Variants in DIAPH2 observed in about 807,000 individuals in gnomAD.
DIAPH2 encodes protein diaphanous homolog 2.
A neutral mutation model predicts 92.7 loss-of-function variants in DIAPH2; 35 were observed. The observed-to-expected ratio is 0.38, with a 90% CI of 0.29 to 0.50. DIAPH2 has a LOEUF of 0.50. Ranked by LOEUF, DIAPH2 falls within the 20% of genes least tolerant of loss-of-function variation. The pLI is 0.94. For synonymous variants in DIAPH2, 301 were observed against 280.4 expected (o/e 1.07, Z -0.73); for missense variants, 701 against 819.5 (o/e 0.86, Z 1.77).
chrX:97,300,713 A>C, intron 23 of DIAPH2, among the ~76,000 whole-genome samples: 1 of 94,865 alleles, frequency 1.1e-5, no homozygotes, highest in African/African-American at 3.7e-5. Context: ...CGGGCGGATC[A>C]CAAGGTCAGG....
intron 21 of DIAPH2, among the ~76,000 whole-genome samples, chrX:97,137,037 A>G: frequency 9.2e-6 from 1 of 108,304 alleles, no homozygotes; most frequent in South Asian, 4.2e-4. Context: ...GGTGTTCAGC[A>G]TAGTCCTCAA....
intron 23 of DIAPH2, among the ~76,000 whole-genome samples, chrX:97,334,998 CAAAAA>C (rs746536131): frequency 1.3e-3 from 40 of 31,453 alleles, no homozygotes; most frequent in South Asian, 5.5e-3. Context: ...AAAAACAAAA[CAAAAA>C]AAAAAAAAAA....
intron 23 of DIAPH2, among the ~76,000 whole-genome samples, chrX:97,257,025 G>A (rs1049814181): frequency 1.8e-5 from 2 of 109,738 alleles, no homozygotes; most frequent in Non-Finnish European, 3.8e-5. Context: ...ATACAAGAAA[G>A]TATAGGAAAT....
At chrX:96,945,144 A>G (rs1247258472) in intron 13 of DIAPH2, among the ~76,000 whole-genome samples, 6 of 110,915 alleles carry the variant, frequency 5.4e-5, no homozygotes, top group African/African-American at 2.0e-4. Context: ...GACAATTTTG[A>G]ATCTTGCTAA....
intron 17 of DIAPH2, among the ~76,000 whole-genome samples, chrX:96,970,742 C>T (rs1029913831): frequency 4.3e-4 from 47 of 110,000 alleles, no homozygotes; most frequent in African/African-American, 1.3e-3. Context: ...AATGTCATTC[C>T]GTTCTTCTCT....
chrX:97,154,276 A>G (rs747226048), intron 22 of DIAPH2, among the ~76,000 whole-genome samples: 37 of 111,689 alleles, frequency 3.3e-4, no homozygotes, highest in Admixed American at 1.0e-3. Context: ...AGATCACACA[A>G]TGAATAAGAG....
chrX:96,787,849 C>A (rs1039524207), intron 4 of DIAPH2, among the ~76,000 whole-genome samples: 2 of 103,248 alleles, frequency 1.9e-5, no homozygotes, highest in Admixed American at 2.2e-4. Context: ...TGCCACTACG[C>A]CCAGCTAATT....
In DIAPH2 at chrX:97,600,783, A is replaced by C. The variant is rs1162440164; in HGVS notation, c.*1466A>C. 1 of 112,132 alleles carries C rather than the reference A, an allele frequency of 8.9e-6. No homozygotes were observed. Among genetic ancestry groups the C allele is most frequent in the Non-Finnish European group, 1.9e-5 (1 of 53,201 alleles). 9.2% of individuals were successfully genotyped at this position (112,132 alleles called of 1,213,427 possible). On this transcript the variant is annotated 3_prime_UTR_variant, in exon 27 of 27. Coordinates refer to ENST00000324765, the MANE Select transcript of DIAPH2 (RefSeq NM_006729.5). The stretch of plus-strand genomic sequence containing the variant: ...TACTCATTCAAAGCACATTGTAGAT[A>C]TTCAGAGAGAAGAACAAATGGCTGG...
chrX:96,727,662 AT>A (rs1355242660), intron 1 of DIAPH2, among the ~76,000 whole-genome samples: 4 of 111,975 alleles, frequency 3.6e-5, no homozygotes, highest in African/African-American at 1.3e-4. Context: ...AAATGAATTT[AT>A]TTAACAGTAT....
At chrX:97,585,152 G>A (rs896123531) in intron 26 of DIAPH2, among the ~76,000 whole-genome samples, 7 of 110,812 alleles carry the variant, frequency 6.3e-5, no homozygotes, top group African/African-American at 2.3e-4. Flanking sequence ...GATGATGCAG[G>A]GTATCCTTAT....
At chrX:97,185,383 A>G (rs369173525) in intron 22 of DIAPH2, among the ~76,000 whole-genome samples, 1 of 27,796 alleles carries the variant, frequency 3.6e-5, no homozygotes, top group Non-Finnish European at 5.1e-5. Context: ...ATATATATGT[A>G]TATATATATG....
At chrX:97,106,774 A>G (rs956395512) in intron 20 of DIAPH2, among the ~76,000 whole-genome samples, 1 of 110,879 alleles carries the variant, frequency 9.0e-6, no homozygotes, top group African/African-American at 3.3e-5. Flanking sequence ...TCTACTAAAA[A>G]TACAAAAATT....
chrX:97,517,391 A>G (rs1273395687), intron 26 of DIAPH2, among the ~76,000 whole-genome samples: 1 of 112,036 alleles, frequency 8.9e-6, no homozygotes, highest in Non-Finnish European at 1.9e-5. Context: ...AGCGCTTCAA[A>G]CTATGCCTCT....
chrX:96,869,557 C>CACTACTACTACT (rs58876338), intron 4 of DIAPH2, among the ~76,000 whole-genome samples: 2,498 of 97,886 alleles, frequency 0.026, 83 homozygotes, highest in Admixed American at 0.069. Flanking sequence ...CTACTACTAC[C>CACTACTACTACT]ACTACTACTA....
At chrX:96,979,148 G>T (rs1163612800) in intron 17 of DIAPH2, among the ~76,000 whole-genome samples, 1 of 112,045 alleles carries the variant, frequency 8.9e-6, no homozygotes, top group Non-Finnish European at 1.9e-5. Flanking sequence ...ACACTGATAG[G>T]GGAATTACTC....
chrX:97,034,433 G>A (rs768516023), intron 17 of DIAPH2, among the ~76,000 whole-genome samples: 4 of 108,280 alleles, frequency 3.7e-5, no homozygotes, highest in Non-Finnish European at 5.8e-5. Flanking sequence ...CCAAAAAATA[G>A]GAAAGTGGAA....
chrX:96,818,541 A>T (rs1364973283), intron 4 of DIAPH2, among the ~76,000 whole-genome samples: 1 of 111,482 alleles, frequency 9.0e-6, no homozygotes, highest in Non-Finnish European at 1.9e-5. Flanking sequence ...ACATATGGCT[A>T]CTTAAATTTA....
At chrX:97,347,242 C>A (rs897040178) in intron 23 of DIAPH2, among the ~76,000 whole-genome samples, 3 of 108,038 alleles carry the variant, frequency 2.8e-5, no homozygotes, top group African/African-American at 1.0e-4. Context: ...GCGCGTGTCA[C>A]CATGCCTGGC....
intron 25 of DIAPH2, among the ~76,000 whole-genome samples, chrX:97,413,722 G>A (rs894848202): frequency 3.6e-5 from 4 of 111,891 alleles, no homozygotes; most frequent in Non-Finnish European, 5.6e-5. Flanking sequence ...GAAAATCAAT[G>A]TGCAAAAATC....
Sources: allele counts gnomAD v4.1 joint callset (sites outside exome capture counted in the v4.1 genomes callset), GRCh38; gene constraint gnomAD v4.1.1; transcripts MANE v1.5; gene names NCBI Gene and HGNC (gene_info 2026-07-23, HGNC 2026-07-21).